The following CA10 variants were observed in gnomAD, a reference collection of about 807,000 sequenced individuals.
CA10 encodes the protein carbonic anhydrase 10 (inactive).
CA10 carries 14 observed loss-of-function variants against 44.2 expected under a neutral mutation model. That is an observed-to-expected ratio of 0.32 (90% CI 0.21 to 0.50). The LOEUF is 0.50. Ranked by LOEUF, CA10 falls within the 20% of genes least tolerant of loss-of-function variation. The probability of loss-of-function intolerance (pLI) is 0.99; values close to 1 mark genes in which losing one functional copy is unlikely to be tolerated. For synonymous variants in CA10, 159 were observed against 141.6 expected, an observed-to-expected ratio of 1.12 and a Z score of -0.87; for missense variants, 350 against 409.7, an observed-to-expected ratio of 0.85 and a Z score of 1.26.
intron 3 of CA10, among the ~76,000 whole-genome samples, chr17:51,852,157 G>A (rs530620240): frequency 4.2e-4 from 64 of 152,280 alleles, no homozygotes; most frequent in Middle Eastern, 6.8e-3. Context: ...TTAGAATCAG[G>A]GCAGAAGCAC....
At chr17:52,013,642 C>T (rs780419477) in intron 2 of CA10, among the ~76,000 whole-genome samples, 1 of 151,886 alleles carries the variant, frequency 6.6e-6, no homozygotes, top group Non-Finnish European at 1.5e-5. Context: ...AGAGTATATA[C>T]TTGTGGCTTG....
At chr17:52,145,820 T>C (rs985141342) in intron 1 of CA10, among the ~76,000 whole-genome samples, 1 of 152,190 alleles carries the variant, frequency 6.6e-6, no homozygotes, top group African/African-American at 2.4e-5. Context: ...GGTTATACAT[T>C]ACTTTCAGAT....
intron 4 of CA10, among the ~76,000 whole-genome samples, chr17:51,673,453 G>A (rs1028848402): frequency 6.6e-6 from 1 of 151,956 alleles, no homozygotes; most frequent in Admixed American, 6.6e-5. Flanking sequence ...CTCTAACATG[G>A]CCATCATCCT....
intron 1 of CA10, among the ~76,000 whole-genome samples, chr17:52,115,710 T>C (rs180782977): frequency 2.4e-3 from 368 of 152,342 alleles, no homozygotes; most frequent in African/African-American, 8.3e-3. Context: ...CCAAGGGCCC[T>C]GCGTGGCTGG....
chr17:52,115,266 T>C (rs7219843), intron 1 of CA10, among the ~76,000 whole-genome samples: 75,722 of 152,052 alleles, frequency 0.5, 21,417 homozygotes, highest in African/African-American at 0.78. Flanking sequence ...CACCCTTCAA[T>C]GTGTCTGTGT....
chr17:51,784,089 G>T (rs1466332352), intron 3 of CA10, among the ~76,000 whole-genome samples: 1 of 152,112 alleles, frequency 6.6e-6, no homozygotes, highest in Non-Finnish European at 1.5e-5. Context: ...ACCTCTCCTT[G>T]TCTAGGGGTT....
intron 3 of CA10, among the ~76,000 whole-genome samples, chr17:51,905,972 C>T (rs1184294918): frequency 6.6e-6 from 1 of 152,108 alleles, no homozygotes; most frequent in African/African-American, 2.4e-5. Flanking sequence ...GCTGTCCCTT[C>T]ACCTGCTGGT....
At chr17:51,680,320 C>T (rs1408601470) in intron 4 of CA10, among the ~76,000 whole-genome samples, 1 of 152,188 alleles carries the variant, frequency 6.6e-6, no homozygotes, top group African/African-American at 2.4e-5. Context: ...GACTACAGAT[C>T]TCAGTGTCGA....
intron 3 of CA10, among the ~76,000 whole-genome samples, chr17:51,917,695 AACTC>A (rs1181728230): frequency 6.6e-6 from 1 of 152,186 alleles, no homozygotes; most frequent in Non-Finnish European, 1.5e-5. Context: ...ACCTAGTGAG[AACTC>A]ACTCACGAGT....
Position 51,831,082 on chromosome 17 carries a change from C to T in CA10, c.280-83264G>A, listed in dbSNP as rs147016761. On this transcript the variant is annotated intron_variant, in intron 3 of 8. Coordinates refer to ENST00000451037, the MANE Select transcript of CA10 (RefSeq NM_020178.5). ...GCACTCACTATTCTGAGATTCATCACGGAAGAGGCTGCTACTTCTTCCAAG... is the reference window on the plus strand; with the variant it reads ...GCACTCACTATTCTGAGATTCATCATGGAAGAGGCTGCTACTTCTTCCAAG... 5.2e-3 allele frequency among the ~76,000 whole-genome samples: 791 copies of T among 152,304 alleles called. 7 individuals carry two copies. Among genetic ancestry groups the T allele is most frequent in the Middle Eastern group, 6.8e-3 (2 of 294 alleles).
intron 2 of CA10, among the ~76,000 whole-genome samples, chr17:51,998,813 C>A (rs1985326288): frequency 6.6e-6 from 1 of 151,960 alleles, no homozygotes; most frequent in Non-Finnish European, 1.5e-5. Flanking sequence ...CCAGGGGTGT[C>A]AGGCAGGCCA....
At chr17:52,137,727 T>C (rs1989390333) in intron 1 of CA10, among the ~76,000 whole-genome samples, 1 of 152,224 alleles carries the variant, frequency 6.6e-6, no homozygotes, top group Non-Finnish European at 1.5e-5. Context: ...ATTTGTTGAA[T>C]AAATCACGGG....
chr17:52,083,132 G>A (rs1988026539), intron 1 of CA10, among the ~76,000 whole-genome samples: 1 of 152,086 alleles, frequency 6.6e-6, no homozygotes, highest in African/African-American at 2.4e-5. Context: ...ATAAACTACT[G>A]GTAATTCCTA....
intron 3 of CA10, among the ~76,000 whole-genome samples, chr17:51,754,975 A>T (rs1405819625): frequency 6.6e-6 from 1 of 151,898 alleles, no homozygotes; most frequent in Non-Finnish European, 1.5e-5. Flanking sequence ...TTATATATAC[A>T]CATATGTATA....
chr17:51,725,420 C>T (rs1916482411), intron 4 of CA10, among the ~76,000 whole-genome samples: 1 of 152,164 alleles, frequency 6.6e-6, no homozygotes, highest in African/African-American at 2.4e-5. Context: ...GAGCCACTTA[C>T]TTTTCAGGGA....
At chr17:51,890,072 T>A (rs1199744865) in intron 3 of CA10, among the ~76,000 whole-genome samples, 1 of 152,190 alleles carries the variant, frequency 6.6e-6, no homozygotes, top group East Asian at 1.9e-4. Flanking sequence ...CAACACCGGA[T>A]AAATTTTAGG....
chr17:51,877,058 T>C (rs891887199), intron 3 of CA10, among the ~76,000 whole-genome samples: 3 of 152,232 alleles, frequency 2.0e-5, no homozygotes, highest in Admixed American at 6.5e-5. Flanking sequence ...AGGTTGCATG[T>C]GACTATATGA....
chr17:51,686,463 G>A (rs910101466), intron 4 of CA10, among the ~76,000 whole-genome samples: 7 of 151,984 alleles, frequency 4.6e-5, no homozygotes, highest in African/African-American at 1.5e-4. Context: ...GATACTCAAA[G>A]TTACACCTTC....
chr17:51,899,821 G>A (rs563264715), intron 3 of CA10, among the ~76,000 whole-genome samples: 45 of 151,516 alleles, frequency 3.0e-4, no homozygotes, highest in Admixed American at 1.8e-3. Context: ...TTTTTTGATT[G>A]TTGTTGGTTT....
Sources: allele counts gnomAD v4.1 joint callset (sites outside exome capture counted in the v4.1 genomes callset), GRCh38; gene constraint gnomAD v4.1.1; transcripts MANE v1.5; gene names NCBI Gene and HGNC (gene_info 2026-07-23, HGNC 2026-07-21).